The following DOCK1 variants were observed in gnomAD, a reference collection of about 807,000 sequenced individuals.
DOCK1 encodes the protein dedicator of cytokinesis 1, also known as dedicator of cytokinesis protein 1.
Under a neutral mutation model 262.7 loss-of-function variants are expected in DOCK1, and 138 were observed. The observed-to-expected ratio is 0.53, with a 90% confidence interval of 0.46 to 0.61. The LOEUF (loss-of-function observed/expected upper bound fraction) is 0.61, where lower values mean the gene tolerates loss of function less well. DOCK1 is among the 20% of genes least tolerant of loss of function. The pLI is 0.00. For missense variants in DOCK1, 1,908 were observed against 2,370.7 expected, an observed-to-expected ratio of 0.80 and a Z score of 4.05; for synonymous variants, 866 against 867.4, an observed-to-expected ratio of 1.00 and a Z score of 0.03.
intron 1 of DOCK1, among the ~76,000 whole-genome samples, chr10:126,954,410 T>G (rs1302698025): frequency 6.6e-6 from 1 of 152,246 alleles, no homozygotes; most frequent in Non-Finnish European, 1.5e-5. Flanking sequence ...TTTTTCTATT[T>G]TCTTTATTGT....
At chr10:127,077,920 G>A (rs1391594627) in intron 23 of DOCK1, among the ~76,000 whole-genome samples, 1 of 152,044 alleles carries the variant, frequency 6.6e-6, no homozygotes, top group Non-Finnish European at 1.5e-5. Flanking sequence ...GGTATGGATG[G>A]GAGGGAGAAG....
intron 29 of DOCK1, among the ~76,000 whole-genome samples, chr10:127,266,630 C>T (rs2060368522): frequency 6.6e-6 from 1 of 152,124 alleles, no homozygotes; most frequent in Non-Finnish European, 1.5e-5. Flanking sequence ...CATTAAGTGC[C>T]AGTGGAATGT....
chr10:127,193,836 C>A (rs759403415), intron 27 of DOCK1, among the ~76,000 whole-genome samples: 2 of 152,180 alleles, frequency 1.3e-5, no homozygotes, highest in Non-Finnish European at 2.9e-5. Context: ...AACAGAGAAG[C>A]CCCCGAAGTA....
At position 127,031,005 on chromosome 10, in the gene DOCK1, G is replaced by T. The variant is rs9633653; in HGVS notation, c.1625-645G>T. Among the ~76,000 whole-genome samples the T allele has an allele frequency of 2.6e-5, 4 of 152,206 alleles. No individual in the cohort carries two copies. The East Asian group carries it at 7.7e-4, about 29-fold the overall frequency. ...ATTTTGGCAGAAACTTGAATGAAGC[G>T]AGTGAGCCCCACATGCAGATACCTG... On this transcript the variant is annotated intron_variant, in intron 16 of 51. Transcript: ENST00000623213.
In DOCK1 at chr10:127,362,192, T is replaced by C. The variant is rs2064496559; in HGVS notation, c.3412T>C (p.Ser1138Pro). The change falls in exon 33 of 52, where the codon TCG (serine) becomes CCG (proline). Residue 1138 changes from serine to proline, a missense_variant. Ser to Pro is a moderately conservative substitution (Grantham distance 74). Coordinates refer to ENST00000623213, the MANE Select transcript of DOCK1 (RefSeq NM_001290223.2). ...FFDMMQCEFH[S>P]TRSFQMFENE... ...TGATATGATGCAGTGTGAATTCCATTCGACCCGAAGCTTCCAAATGGTAAG... is the reference window on the plus strand; with the variant it reads ...TGATATGATGCAGTGTGAATTCCATCCGACCCGAAGCTTCCAAATGGTAAG... 1 of 1,613,518 alleles carries C rather than the reference T, an allele frequency of 6.2e-7. No individual in the cohort carries two copies. The highest frequency in any genetic ancestry group is 1.3e-5 in the African/African-American group (1 of 74,890).
intron 27 of DOCK1, among the ~76,000 whole-genome samples, chr10:127,160,312 A>G (rs765192441): frequency 4.6e-5 from 7 of 152,212 alleles, no homozygotes; most frequent in East Asian, 3.9e-4. Context: ...TTTTACTGCC[A>G]TAGTCTCACA....
rs1010847325 is a variant in DOCK1 at position 127,080,244 on chromosome 10, A to G, written c.2445+18468A>G. On this transcript the variant is annotated intron_variant, in intron 23 of 51. Transcript: ENST00000623213. ...CCAGATCTCCACCAAGGAGTTTAGA[A>G]CTGATGGACTCCAAGTCTCCCTCTG... Among the ~76,000 whole-genome samples, 5 of 152,234 alleles carry G rather than the reference A, an allele frequency of 3.3e-5. No individual in the cohort carries two copies. In the East Asian group the frequency reaches 9.7e-4, roughly 29 times the overall value.
At chr10:127,043,819 T>A (rs1334582441) in intron 21 of DOCK1, among the ~76,000 whole-genome samples, 1 of 152,220 alleles carries the variant, frequency 6.6e-6, no homozygotes, top group African/African-American at 2.4e-5. Flanking sequence ...ACAAGCTCTG[T>A]GATCTTGGGC....
intron 29 of DOCK1, among the ~76,000 whole-genome samples, chr10:127,269,300 A>C (rs1349565681): frequency 6.6e-6 from 1 of 152,176 alleles, no homozygotes; most frequent in Non-Finnish European, 1.5e-5. Context: ...ATAGTGTGTC[A>C]TTGTCCCTCT....
At chr10:126,907,780 C>T (rs2031129787) in intron 1 of DOCK1, among the ~76,000 whole-genome samples, 1 of 152,104 alleles carries the variant, frequency 6.6e-6, no homozygotes, top group Admixed American at 6.5e-5. Flanking sequence ...AGTCTCACAC[C>T]TTCCAGAAGC....
intron 27 of DOCK1, among the ~76,000 whole-genome samples, chr10:127,210,636 G>A (rs1021158793): frequency 6.6e-6 from 1 of 152,202 alleles, no homozygotes; most frequent in African/African-American, 2.4e-5. Context: ...TTCCCTGGGT[G>A]GCTCCAGCCA....
chr10:126,949,116 G>A (rs1262686307), intron 1 of DOCK1, among the ~76,000 whole-genome samples: 1 of 152,086 alleles, frequency 6.6e-6, no homozygotes, highest in Admixed American at 6.5e-5. Context: ...TCCTGCCCTT[G>A]CTGCCTGCCT....
At chr10:127,434,308 G>A (rs1269032971) in intron 48 of DOCK1, among the ~76,000 whole-genome samples, 4 of 152,056 alleles carry the variant, frequency 2.6e-5, no homozygotes, top group Admixed American at 2.6e-4. Flanking sequence ...GGACAACTCT[G>A]GAAAATAAAA....
rs199734243 is a variant in DOCK1, at chr10:127,034,867, A to G, written c.1912+2547A>G. 2.7e-5 allele frequency among the ~76,000 whole-genome samples: 4 copies of G among 149,460 alleles called. No homozygotes were observed. In the Middle Eastern group the frequency reaches 0.01, roughly 389 times the overall value. On this transcript the variant is annotated intron_variant, in intron 18 of 51. Coordinates refer to ENST00000623213, the MANE Select transcript of DOCK1 (RefSeq NM_001290223.2). The stretch of plus-strand genomic sequence containing the variant: ...TCTTAACCCTTATGACCCTGGAGAA[A>G]GGGGACTGTGGACCAGGACATCCCC...
intron 27 of DOCK1, among the ~76,000 whole-genome samples, chr10:127,218,995 G>A (rs2058322321): frequency 6.6e-6 from 1 of 152,054 alleles, no homozygotes; most frequent in South Asian, 2.1e-4. Flanking sequence ...CTTTTTTAAG[G>A]GCCTTAATCC....
chr10:126,943,092 A>G (rs1183548520), intron 1 of DOCK1, among the ~76,000 whole-genome samples: 3 of 100,858 alleles, frequency 3.0e-5, no homozygotes, highest in East Asian at 2.3e-4. Context: ...TCCTATCTCT[A>G]CCAAAAAAAA....
At chr10:127,326,601 C>G (rs185439444) in intron 29 of DOCK1, among the ~76,000 whole-genome samples, 2 of 152,326 alleles carry the variant, frequency 1.3e-5, no homozygotes, top group Admixed American at 1.3e-4. Context: ...CGGTCAAAGT[C>G]AACCATGAAG....
chr10:126,961,763 T>C (rs903437572), intron 1 of DOCK1, among the ~76,000 whole-genome samples: 10 of 152,346 alleles, frequency 6.6e-5, no homozygotes, highest in Middle Eastern at 6.8e-3. Flanking sequence ...AAACTTGGGT[T>C]AGTTCCACTT....
chr10:127,202,199 T>C (rs1384055352), intron 27 of DOCK1, among the ~76,000 whole-genome samples: 1 of 152,090 alleles, frequency 6.6e-6, no homozygotes, highest in African/African-American at 2.4e-5. Flanking sequence ...GGCTCATGAC[T>C]GTAATCCCAG....
Sources: allele counts gnomAD v4.1 joint callset (sites outside exome capture counted in the v4.1 genomes callset), GRCh38; gene constraint gnomAD v4.1.1; transcripts MANE v1.5; gene names NCBI Gene and HGNC (gene_info 2026-07-23, HGNC 2026-07-21).